Variants in PHACTR1 observed in about 807,000 individuals in gnomAD.
The protein encoded by PHACTR1 is phosphatase and actin regulator 1.
A neutral mutation model predicts 69.2 loss-of-function variants in PHACTR1; 16 were observed. The ratio of observed to expected loss-of-function variants is 0.23; its 90% confidence interval spans 0.16 to 0.35. The LOEUF is 0.35. Among genes scored for constraint, PHACTR1 ranks in the 10% least tolerant of loss-of-function variants. The pLI is 1.00. For synonymous variants in PHACTR1, 312 were observed against 284.5 expected, an observed-to-expected ratio of 1.10 and a Z score of -0.97; for missense variants, 510 against 734.7, an observed-to-expected ratio of 0.69 and a Z score of 3.54.
At chr6:12,991,267 G>C (rs75515548) in intron 4 of PHACTR1, among the ~76,000 whole-genome samples, 1,813 of 152,268 alleles carry the variant, frequency 0.012, 43 homozygotes, top group African/African-American at 0.042. Context: ...CACTGACCCA[G>C]GGTGACACAA....
intron 4 of PHACTR1, chr6:12,957,418 C>T (rs1385614075): frequency 9.1e-6 from 9 of 985,296 alleles, no homozygotes; most frequent in Non-Finnish European, 1.1e-5. Context: ...GTTTGGATCC[C>T]CGGGTTACTT....
intron 4 of PHACTR1, among the ~76,000 whole-genome samples, chr6:13,037,898 T>A (rs1803557964): frequency 6.6e-6 from 1 of 152,166 alleles, no homozygotes; most frequent in Non-Finnish European, 1.5e-5. Context: ...GTTTTGATGA[T>A]GAGTTAGAGC....
intron 4 of PHACTR1, among the ~76,000 whole-genome samples, chr6:12,897,271 A>G (rs900984797): frequency 1.3e-5 from 2 of 152,206 alleles, no homozygotes; most frequent in Non-Finnish European, 2.9e-5. Context: ...AGCGGTATCT[A>G]TGTCATTAAG....
At chr6:13,123,880 G>A (rs1003819019) in intron 5 of PHACTR1, among the ~76,000 whole-genome samples, 1 of 152,168 alleles carries the variant, frequency 6.6e-6, no homozygotes, top group Non-Finnish European at 1.5e-5. Flanking sequence ...AGAGGCTGGG[G>A]ACACAGGCAG....
At chr6:13,060,504 A>G (rs1177428025) in intron 5 of PHACTR1, among the ~76,000 whole-genome samples, 1 of 152,198 alleles carries the variant, frequency 6.6e-6, no homozygotes, top group Admixed American at 6.5e-5. Flanking sequence ...GTTAGAAAAT[A>G]TGAGACAGAA....
intron 4 of PHACTR1, among the ~76,000 whole-genome samples, chr6:12,926,982 G>C (rs537149481): frequency 6.6e-6 from 1 of 152,316 alleles, no homozygotes; most frequent in South Asian, 2.1e-4. Context: ...GTTAAATCTA[G>C]TCAATTGCTT....
At chr6:12,994,540 C>T (rs1797200260) in intron 4 of PHACTR1, among the ~76,000 whole-genome samples, 2 of 151,942 alleles carry the variant, frequency 1.3e-5, no homozygotes, top group Admixed American at 6.6e-5. Context: ...GTTGTTTAAA[C>T]TAGGAAGTGT....
At chr6:12,883,982 A>G (rs1004588584) in intron 4 of PHACTR1, among the ~76,000 whole-genome samples, 4 of 151,958 alleles carry the variant, frequency 2.6e-5, no homozygotes, top group African/African-American at 9.7e-5. Flanking sequence ...CCACATACAC[A>G]CACATACACA....
intron 5 of PHACTR1, among the ~76,000 whole-genome samples, chr6:13,073,937 A>G (rs1394963886): frequency 6.6e-6 from 1 of 151,220 alleles, no homozygotes; most frequent in African/African-American, 2.4e-5. Context: ...AAGTGGTGCA[A>G]TCTCGGCTCA....
chr6:13,131,837 T>A (rs1820516652), intron 5 of PHACTR1, among the ~76,000 whole-genome samples: 1 of 152,192 alleles, frequency 6.6e-6, no homozygotes, highest in East Asian at 1.9e-4. Flanking sequence ...AACACAAACA[T>A]AACCTCCCTT....
intron 4 of PHACTR1, among the ~76,000 whole-genome samples, chr6:12,993,871 G>A (rs905932813): frequency 1.3e-5 from 2 of 152,150 alleles, no homozygotes; most frequent in African/African-American, 4.8e-5. Flanking sequence ...TCTGTAAGGA[G>A]TGGAAAAGCA....
At chr6:12,741,567 T>G (rs566576223) in intron 3 of PHACTR1, among the ~76,000 whole-genome samples, 9 of 152,262 alleles carry the variant, frequency 5.9e-5, no homozygotes, top group African/African-American at 1.9e-4. Flanking sequence ...CATAGCCAAG[T>G]GACTGTTCAT....
chr6:13,073,331 A>ATTTTTTTTTTTTTTTTT lies in PHACTR1; in HGVS notation c.415+19816_415+19832dup, dbSNP rs10664160. On this transcript the variant is annotated intron_variant, in intron 5 of 14. Transcript: ENST00000332995. ...ATTCCTTCAACCAATCATTCCATGA[A>ATTTTTTTTTTTTTTTTT]TTTTTTTTTTTTTTTTTTTTTTTTT... Among the ~76,000 whole-genome samples the ATTTTTTTTTTTTTTTTT allele has an allele frequency of 1.8e-4, 12 of 65,692 alleles. 2 individuals carry two copies. The highest frequency in any genetic ancestry group is 6.8e-4 in the African/African-American group (10 of 14,716). The allele number at this position is 65,692 out of a possible 152,430, so 43.1% of individuals were successfully genotyped here.
intron 4 of PHACTR1, among the ~76,000 whole-genome samples, chr6:13,001,003 C>A (rs989380123): frequency 6.6e-6 from 1 of 152,136 alleles, no homozygotes; most frequent in Non-Finnish European, 1.5e-5. Context: ...AGGATTAACC[C>A]CTCTGAAAGG....
At position 13,287,287 on chromosome 6, in the gene PHACTR1, C is replaced by A. The variant is rs1781876466; in HGVS notation, c.*209C>A. 1 of 589,282 alleles carries A rather than the reference C, an allele frequency of 1.7e-6. No individual in the cohort carries two copies. The highest frequency in any genetic ancestry group is 2.9e-6 in the Non-Finnish European group (1 of 340,736). 36.5% of individuals were successfully genotyped at this position (589,282 alleles called of 1,614,324 possible). A position where few individuals can be genotyped will look rare whatever the true frequency, so the allele number is the denominator to read the frequency against. On this transcript the variant is annotated 3_prime_UTR_variant, in exon 15 of 15. Coordinates refer to ENST00000332995, the MANE Select transcript of PHACTR1 (RefSeq NM_030948.6). The stretch of plus-strand genomic sequence containing the variant: ...TCGGCGGTCCGAGCTGCTGGTCCCA[C>A]TTCTGACACCAAAATGCATCCCAAC...
intron 5 of PHACTR1, among the ~76,000 whole-genome samples, chr6:13,066,670 T>A (rs1185117053): frequency 6.6e-6 from 1 of 152,088 alleles, no homozygotes. Context: ...CTTCTGCTGG[T>A]CTCTCTTGGG....
At chr6:12,823,571 A>T (rs919892245) in intron 4 of PHACTR1, among the ~76,000 whole-genome samples, 1 of 152,200 alleles carries the variant, frequency 6.6e-6, no homozygotes, top group African/African-American at 2.4e-5. Flanking sequence ...TTTTCATAGC[A>T]ATTGGAGATC....
At chr6:13,194,401 CAAAA>C (rs1297859837) in intron 7 of PHACTR1, among the ~76,000 whole-genome samples, 15 of 99,716 alleles carry the variant, frequency 1.5e-4, no homozygotes, top group East Asian at 7.1e-4. Context: ...GACTCCGTCT[CAAAA>C]AAAAAAAAAA....
intron 4 of PHACTR1, among the ~76,000 whole-genome samples, chr6:13,027,163 C>T (rs1583027619): frequency 6.6e-6 from 1 of 152,042 alleles, no homozygotes; most frequent in Non-Finnish European, 1.5e-5. Context: ...TACCGGGTAC[C>T]GAGTACCTGC....
Sources: gnomAD v4.1 joint callset for allele counts (sites outside exome capture counted in the v4.1 genomes callset) on GRCh38, gnomAD v4.1.1 for gene constraint, MANE v1.5 for transcripts, NCBI Gene and HGNC (gene_info 2026-07-23, HGNC 2026-07-21) for gene names.